The following FLRT3 variants were observed in gnomAD, a reference collection of about 807,000 sequenced individuals.
FLRT3 encodes leucine-rich repeat transmembrane protein FLRT3.
In FLRT3, 17 loss-of-function variants were observed where a neutral mutation model predicts 42.6. That is an observed-to-expected ratio of 0.40 (90% CI 0.27 to 0.60). FLRT3 has a LOEUF of 0.60. FLRT3 is among the 20% of genes least tolerant of loss of function. FLRT3 has a pLI of 0.44. For synonymous variants in FLRT3, 279 were observed against 286.4 expected (o/e 0.97, Z 0.26); for missense variants, 635 against 789.2 (o/e 0.80, Z 2.34).
At chr20:14,334,209 C>T (rs928880959) in intron 1 of FLRT3, among the ~76,000 whole-genome samples, 32 of 152,148 alleles carry the variant, frequency 2.1e-4, no homozygotes, top group African/African-American at 7.5e-4. Context: ...TTCTTTCTTA[C>T]ACAACATAAA....
At chr20:14,332,211 T>G (rs1292350619) in intron 1 of FLRT3, among the ~76,000 whole-genome samples, 1 of 152,114 alleles carries the variant, frequency 6.6e-6, no homozygotes, top group African/African-American at 2.4e-5. Context: ...TGGGGTTTTT[T>G]TGCATTTATA....
Position 14,326,273 on chromosome 20 carries a change from T to A in FLRT3, c.1234A>T (p.Thr412Ser), listed in dbSNP as rs1389039305. 1 of 1,613,778 alleles carries A rather than the reference T, an allele frequency of 6.2e-7. No homozygotes were observed. Among genetic ancestry groups the A allele is most frequent in the African/African-American group, 1.3e-5 (1 of 74,892 alleles). Residue 412 changes from threonine to serine, a missense_variant, in exon 3 of 3, where the codon ACA (threonine) becomes TCA (serine). Physicochemically the swap from Thr to Ser is moderately conservative, Grantham distance 58. Coordinates refer to ENST00000341420, the MANE Select transcript of FLRT3 (RefSeq NM_198391.3). This position sits in a 1 kb window ranked among gnomAD's most constrained non-coding sequence, Gnocchi z 5.5. ...GAGGTGACAGACTTCACAGTAATTG[T>A]AATTGTTTTTCTTGAGGGACTCCCT... ...TTGSPSRKTITITVKSVTSDT... is the reference protein window; with the variant it reads ...TTGSPSRKTISITVKSVTSDT...
rs757964273 is a variant in FLRT3 at position 14,325,740 on chromosome 20, G to T, written c.1767C>A (p.Ile589=). The T allele has an allele frequency of 1.9e-6, 3 of 1,613,908 alleles. No homozygotes were observed. The African/African-American group carries it at 4.0e-5, about 22-fold the overall frequency. ...GTKKDNSILE[I]RETSFQMLPI... Reference sequence around the variant, plus strand: ...GTAACATCTGAAAAGAAGTTTCCCTGATTTCCAGGATAGAGTTGTCCTTCT... The same window carrying T: ...GTAACATCTGAAAAGAAGTTTCCCTTATTTCCAGGATAGAGTTGTCCTTCT... The change falls in exon 3 of 3, where the codon ATC becomes ATA. Residue 589 remains isoleucine (I), a synonymous_variant. Transcript: ENST00000341420.
At chr20:14,332,298 C>T (rs1052070321) in intron 1 of FLRT3, among the ~76,000 whole-genome samples, 1 of 151,876 alleles carries the variant, frequency 6.6e-6, no homozygotes, top group African/African-American at 2.4e-5. Flanking sequence ...GATAAGGATA[C>T]TATTTTAGGG....
Position 14,327,130 on chromosome 20 carries a change from T to A in FLRT3, c.377A>T (p.Lys126Ile). 6.2e-7 allele frequency: 1 copy of A among 1,613,804 alleles called. No homozygotes were observed. Among genetic ancestry groups the A allele is most frequent in the South Asian group, 1.1e-5 (1 of 91,080 alleles). The change falls in exon 3 of 3, where the codon AAA (lysine) becomes ATA (isoleucine). Residue 126 changes from lysine (K) to isoleucine (I), a missense_variant. Coordinates refer to ENST00000341420, the MANE Select transcript of FLRT3 (RefSeq NM_198391.3). ...IRTITYDSLSKIPYLEELHLD... is the reference protein window; with the variant it reads ...IRTITYDSLSIIPYLEELHLD... ...ATGTAATTCTTCCAGATAGGGAATT[T>A]TTGAAAGTGAATCATAAGTGATAGT...
At chr20:14,331,846 A>G (rs1372435516) in intron 1 of FLRT3, among the ~76,000 whole-genome samples, 1 of 152,108 alleles carries the variant, frequency 6.6e-6, no homozygotes, top group Non-Finnish European at 1.5e-5. Flanking sequence ...TCAAATGTCG[A>G]TGATGAAAAG....
intron 1 of FLRT3, among the ~76,000 whole-genome samples, chr20:14,333,354 A>G (rs2122623077): frequency 6.6e-6 from 1 of 152,324 alleles, no homozygotes; most frequent in East Asian, 1.9e-4. Flanking sequence ...TGTAAAGTTA[A>G]ATCAAGCATC....
intron 1 of FLRT3, among the ~76,000 whole-genome samples, chr20:14,335,661 C>T (rs1374143869): frequency 2.6e-5 from 4 of 152,002 alleles, no homozygotes; most frequent in Non-Finnish European, 5.9e-5. Flanking sequence ...ATGAAAAACC[C>T]AATTAGTAAC....
Position 14,327,547 on chromosome 20 carries a change from T to G in FLRT3, c.-41A>C. On this transcript the variant is annotated 5_prime_UTR_variant, in exon 3 of 3. Coordinates refer to ENST00000341420, the MANE Select transcript of FLRT3 (RefSeq NM_198391.3). Reference sequence around the variant, plus strand: ...GGTCTTTATACAAGGTAGCTTCCGTTACTTCAGAACCCTAAAATGAAGTGA... The same window carrying G: ...GGTCTTTATACAAGGTAGCTTCCGTGACTTCAGAACCCTAAAATGAAGTGA... The G allele has an allele frequency of 1.3e-6, 2 of 1,559,238 alleles. No individual in the cohort carries two copies. The highest frequency in any genetic ancestry group is 2.5e-5 in the South Asian group (2 of 81,608).
chr20:14,331,390 C>T (rs1437462420), intron 1 of FLRT3, among the ~76,000 whole-genome samples: 1 of 152,086 alleles, frequency 6.6e-6, no homozygotes, highest in Non-Finnish European at 1.5e-5. Context: ...GCTGCTTTCT[C>T]TATTCTGTTT....
At position 14,325,189 on chromosome 20, in the gene FLRT3, T is replaced by C. The variant is rs1326244762; in HGVS notation, c.*368A>G. On this transcript the variant is annotated 3_prime_UTR_variant, in exon 3 of 3. Coordinates refer to ENST00000341420, the MANE Select transcript of FLRT3 (RefSeq NM_198391.3). ...TTATACTACAAGGATCTCATATGAA[T>C]GCAGTCCTGATTGTTCGACACAGCA... 3 of 162,072 alleles carry C rather than the reference T, an allele frequency of 1.9e-5. No individual in the cohort carries two copies. Among genetic ancestry groups the C allele is most frequent in the Admixed American group, 6.3e-5 (1 of 15,830 alleles). 10.0% of individuals were successfully genotyped at this position (162,072 alleles called of 1,614,324 possible). A position where few individuals can be genotyped will look rare whatever the true frequency, so the allele number is the denominator to read the frequency against.
rs754866739 is a variant in FLRT3 at position 14,326,180 on chromosome 20, G to C, written c.1327C>G (p.Leu443Val). ...MTALRLSWLK[L>V]GHSPAFGSIT... ...GATCCAAATGCCGGGCTATGGCCCAGTTTAAGCCAGCTGAGTCTCAAAGCA... is the reference window on the plus strand; with the variant it reads ...GATCCAAATGCCGGGCTATGGCCCACTTTAAGCCAGCTGAGTCTCAAAGCA... The change falls in exon 3 of 3, where the codon CTG becomes GTG. Residue 443 changes from leucine (L) to valine (V), a missense_variant. Physicochemically the swap from Leu to Val is conservative, Grantham distance 32. Transcript: ENST00000341420. The surrounding 1 kb of genome is among the most constrained non-coding windows in gnomAD (Gnocchi z 5.5). The C allele has an allele frequency of 1.9e-6, 3 of 1,613,812 alleles. No individual in the cohort carries two copies. Among genetic ancestry groups the C allele is most frequent in the African/African-American group, 2.7e-5 (2 of 74,908 alleles).
Position 14,325,424 on chromosome 20 carries a change from T to C in FLRT3, c.*133A>G. ...ATAAAAAGTTCTTAAATATAAATTA[T>C]ATGGCAAATGTACAGTACATTGCTT... is the stretch of plus-strand genomic sequence containing the variant. On this transcript the variant is annotated 3_prime_UTR_variant, in exon 3 of 3. Transcript: ENST00000341420. 2 of 863,532 alleles carry C rather than the reference T, an allele frequency of 2.3e-6. No individual in the cohort carries two copies. The highest frequency in any genetic ancestry group is 2.7e-5 in the South Asian group (1 of 37,640). 53.5% of individuals were successfully genotyped at this position (863,532 alleles called of 1,614,324 possible).
intron 1 of FLRT3, among the ~76,000 whole-genome samples, chr20:14,331,724 A>G (rs2082844858): frequency 6.6e-6 from 1 of 152,104 alleles, no homozygotes; most frequent in African/African-American, 2.4e-5. Context: ...TGGTTTTGGC[A>G]TATTAAAGGC....
chr20:14,331,397 G>A (rs2082835771), intron 1 of FLRT3, among the ~76,000 whole-genome samples: 1 of 152,034 alleles, frequency 6.6e-6, no homozygotes. Flanking sequence ...TCTCTATTCT[G>A]TTTGATATGC....
At position 14,327,472 on chromosome 20, in the gene FLRT3, C is replaced by T; in HGVS notation, c.35G>A (p.Gly12Glu). The stretch of plus-strand genomic sequence containing the variant: ...TTGAAGGAACAGCCCAATTTTAGTC[C>T]CGATGAGGAAGATGCTCCAGGCTGC... ...ISAAWSIFLI[G>E]TKIGLFLQVA... The change falls in exon 3 of 3, where the codon GGG becomes GAG. Residue 12 changes from glycine (G) to glutamate (E), a missense_variant. Transcript: ENST00000341420. 6.2e-7 allele frequency: 1 copy of T among 1,613,022 alleles called. No individual in the cohort carries two copies. Among genetic ancestry groups the T allele is most frequent in the South Asian group, 1.1e-5 (1 of 91,018 alleles).
chr20:14,332,376 A>G (rs1309312501), intron 1 of FLRT3, among the ~76,000 whole-genome samples: 2 of 152,132 alleles, frequency 1.3e-5, no homozygotes, highest in African/African-American at 2.4e-5. Context: ...GCTTGCGGCA[A>G]TCTACATGTT....
At chr20:14,329,796 A>G (rs1443944100) in intron 1 of FLRT3, among the ~76,000 whole-genome samples, 2 of 152,036 alleles carry the variant, frequency 1.3e-5, no homozygotes, top group Admixed American at 6.6e-5. Flanking sequence ...TGAAAAGACT[A>G]TTTTAAAAGC....
At chr20:14,331,309 G>T (rs942322132) in intron 1 of FLRT3, among the ~76,000 whole-genome samples, 1 of 152,120 alleles carries the variant, frequency 6.6e-6, no homozygotes, top group African/African-American at 2.4e-5. Context: ...CCCAGAGAAT[G>T]AAAGAGTTCT....
Sources: gnomAD v4.1 joint callset for allele counts (sites outside exome capture counted in the v4.1 genomes callset) on GRCh38, gnomAD v4.1.1 for gene constraint, Gnocchi (gnomAD v3.1) non-coding constraint, MANE v1.5 for transcripts, NCBI Gene and HGNC (gene_info 2026-07-23, HGNC 2026-07-21) for gene names.